PTPRD: variants seen among roughly 807,000 people sequenced by gnomAD.
PTPRD encodes protein tyrosine phosphatase receptor type D.
In PTPRD, 34 loss-of-function variants were observed where a neutral mutation model predicts 214.5. The ratio of observed to expected loss-of-function variants is 0.16; its 90% CI spans 0.12 to 0.21. PTPRD has a LOEUF of 0.21. Ranked by LOEUF, PTPRD falls within the 10% of genes least tolerant of loss-of-function variation. PTPRD has a pLI of 1.00. For missense variants in PTPRD, 2,545 were observed against 2,398.7 expected, an observed-to-expected ratio of 1.06 and a Z score of -1.27; for synonymous variants, 1,128 against 845.7, an observed-to-expected ratio of 1.33 and a Z score of -5.79.
chr9:10,239,178 G>C (rs2382196), intron 3 of PTPRD, among the ~76,000 whole-genome samples: 3 of 151,398 alleles, frequency 2.0e-5, no homozygotes, highest in Non-Finnish European at 3.0e-5. Context: ...TAATCTTAGA[G>C]AGACTTTCCT....
chr9:9,562,535 C>T (rs1476812430), intron 8 of PTPRD, among the ~76,000 whole-genome samples: 1 of 152,142 alleles, frequency 6.6e-6, no homozygotes, highest in East Asian at 1.9e-4. Flanking sequence ...TTCAACCCCA[C>T]CTCTGTTACT....
At chr9:8,802,459 A>G (rs1464841623) in intron 11 of PTPRD, among the ~76,000 whole-genome samples, 2 of 152,180 alleles carry the variant, frequency 1.3e-5, no homozygotes, top group Non-Finnish European at 2.9e-5. Flanking sequence ...CCCTGCCCTA[A>G]AGGCAAAGAA....
chr9:8,426,540 G>A (rs935255558), intron 35 of PTPRD, among the ~76,000 whole-genome samples: 1 of 152,206 alleles, frequency 6.6e-6, no homozygotes, highest in Admixed American at 6.5e-5. Flanking sequence ...AGAGCCTTGG[G>A]CTCCACATGG....
intron 8 of PTPRD, among the ~76,000 whole-genome samples, chr9:9,545,294 T>C (rs2078520248): frequency 6.6e-6 from 1 of 151,802 alleles, no homozygotes; most frequent in Non-Finnish European, 1.5e-5. Context: ...TCCTCTGTGC[T>C]GTGCCTATTC....
At chr9:9,752,975 T>C (rs1437563355) in intron 6 of PTPRD, among the ~76,000 whole-genome samples, 2 of 152,082 alleles carry the variant, frequency 1.3e-5, no homozygotes, top group South Asian at 2.1e-4. Context: ...AGTGTACTTG[T>C]TCTCTACTTA....
intron 9 of PTPRD, among the ~76,000 whole-genome samples, chr9:9,230,539 A>G (rs1276168769): frequency 6.6e-6 from 1 of 152,096 alleles, no homozygotes; most frequent in Non-Finnish European, 1.5e-5. Context: ...CAGGCTTGCA[A>G]CTGACATCTG....
Position 9,663,482 on chromosome 9 carries a change from CT to C in PTPRD, c.-287+71050del, listed in dbSNP as rs2096657753. 5.3e-5 allele frequency among the ~76,000 whole-genome samples: 8 copies of C among 151,588 alleles called. No individual in the cohort carries two copies. In the South Asian group the frequency reaches 1.7e-3, roughly 31 times the overall value. On this transcript the variant is annotated intron_variant, in intron 7 of 45. Coordinates refer to ENST00000381196, the MANE Select transcript of PTPRD (RefSeq NM_002839.4). ...TGGTAGAAAAAAATTATCCACTTCACTTTTTTGTCTGTCTTCTCATTGGTAG... is the reference window on the plus strand; with the variant it reads ...TGGTAGAAAAAAATTATCCACTTCACTTTTTGTCTGTCTTCTCATTGGTAG...
chr9:9,795,191 A>G (rs1598056306), intron 5 of PTPRD, among the ~76,000 whole-genome samples: 5 of 152,290 alleles, frequency 3.3e-5, no homozygotes, highest in Admixed American at 3.3e-4. Flanking sequence ...CTCCTGTCCT[A>G]TGGTGTTGGA....
chr9:9,945,090 GTATAACTGTATAGTTTTAGATC>G (rs1294469698), intron 4 of PTPRD, among the ~76,000 whole-genome samples: 3 of 152,110 alleles, frequency 2.0e-5, no homozygotes, highest in Non-Finnish European at 4.4e-5. Flanking sequence ...AATTGATAAA[GTATAACTGTATAGTTTTAGATC>G]TATGTAAGAG....
chr9:10,261,589 A>G (rs575752322), intron 3 of PTPRD, among the ~76,000 whole-genome samples: 40 of 152,244 alleles, frequency 2.6e-4, no homozygotes, highest in African/African-American at 9.6e-4. Context: ...ATCCAATCTA[A>G]GCTTCTAAGA....
At chr9:8,412,634 G>A (rs747799666) in intron 35 of PTPRD, among the ~76,000 whole-genome samples, 4 of 152,124 alleles carry the variant, frequency 2.6e-5, no homozygotes, top group Non-Finnish European at 5.9e-5. Context: ...TCTACCCTGT[G>A]ACTTGTATAA....
At chr9:9,008,389 G>A (rs533425439) in intron 11 of PTPRD, among the ~76,000 whole-genome samples, 8 of 151,522 alleles carry the variant, frequency 5.3e-5, no homozygotes, top group Non-Finnish European at 1.0e-4. Context: ...CACCACACCC[G>A]GCTAATTTTT....
At chr9:8,847,345 G>C (rs1333417458) in intron 11 of PTPRD, among the ~76,000 whole-genome samples, 2 of 151,824 alleles carry the variant, frequency 1.3e-5, no homozygotes, top group African/African-American at 2.4e-5. Flanking sequence ...AATGTGTATT[G>C]ATAACCTAAC....
chr9:9,000,779 T>C (rs1336507200), intron 11 of PTPRD, among the ~76,000 whole-genome samples: 2 of 151,954 alleles, frequency 1.3e-5, no homozygotes, highest in African/African-American at 4.8e-5. Context: ...CAATTTAATA[T>C]GGGTGTATTA....
At chr9:10,120,593 T>TA (rs2154247637) in intron 3 of PTPRD, among the ~76,000 whole-genome samples, 1 of 152,152 alleles carries the variant, frequency 6.6e-6, no homozygotes, top group African/African-American at 2.4e-5. Flanking sequence ...CTTAGACACT[T>TA]AGAGAAATAT....
chr9:9,381,655 C>G (rs1038253241), intron 9 of PTPRD, among the ~76,000 whole-genome samples: 1 of 151,366 alleles, frequency 6.6e-6, no homozygotes, highest in African/African-American at 2.4e-5. Context: ...GCTCAGACAG[C>G]TACACTTGTA....
At chr9:8,449,670 G>T in intron 34 of PTPRD, 55 bp downstream of exon 34, 1 of 1,485,816 alleles carries the variant, frequency 6.7e-7, no homozygotes. Flanking sequence ...TATCAATTGA[G>T]CTGTACAACT....
intron 8 of PTPRD, among the ~76,000 whole-genome samples, chr9:9,436,142 C>G (rs949052728): frequency 2.0e-5 from 3 of 152,170 alleles, no homozygotes; most frequent in East Asian, 3.8e-4. Context: ...GGGATGGTAG[C>G]TGGCAAATAA....
chr9:9,889,772 C>T (rs556553522), intron 5 of PTPRD, among the ~76,000 whole-genome samples: 7 of 151,696 alleles, frequency 4.6e-5, no homozygotes, highest in Non-Finnish European at 1.0e-4. Context: ...GTGCTTGTCT[C>T]AGCAAGTTCC....
Sources: allele counts gnomAD v4.1 joint callset (sites outside exome capture counted in the v4.1 genomes callset), GRCh38; gene constraint gnomAD v4.1.1; transcripts MANE v1.5; gene names NCBI Gene and HGNC (gene_info 2026-07-23, HGNC 2026-07-21).